Variants in RAPGEF2 observed in about 807,000 individuals in gnomAD.
The protein encoded by RAPGEF2 is PDZ domain containing guanine nucleotide exchange factor (GEF) 1.
RAPGEF2 carries 54 observed loss-of-function variants against 186.7 expected under a neutral mutation model. That is an observed-to-expected ratio of 0.29 (90% CI 0.23 to 0.36). The LOEUF is 0.36. Ranked by LOEUF, RAPGEF2 falls within the 10% of genes least tolerant of loss-of-function variation. RAPGEF2 has a pLI of 1.00. For missense variants in RAPGEF2, 1,532 were observed against 2,045.0 expected (o/e 0.75, Z 4.84); for synonymous variants, 712 against 705.9 (o/e 1.01, Z -0.14).
chr4:159,278,126 G>A (rs1278662985), intron 7 of RAPGEF2, among the ~76,000 whole-genome samples: 4 of 152,104 alleles, frequency 2.6e-5, no homozygotes, highest in Admixed American at 1.3e-4. Flanking sequence ...TTTGTATAAG[G>A]TGTAAGGAAG....
intron 26 of RAPGEF2, among the ~76,000 whole-genome samples, chr4:159,350,647 C>T (rs565295523): frequency 6.6e-6 from 1 of 152,226 alleles, no homozygotes; most frequent in African/African-American, 2.4e-5. Context: ...ACATGAAAAA[C>T]TAATATCTTC....
At chr4:159,250,423 C>A (rs1755174494) in intron 7 of RAPGEF2, among the ~76,000 whole-genome samples, 1 of 152,058 alleles carries the variant, frequency 6.6e-6, no homozygotes, top group South Asian at 2.1e-4. Context: ...GCAGAGTGGA[C>A]CAAATCTGTA....
In RAPGEF2 at chr4:159,237,440, A is replaced by T. The variant is rs183484383; in HGVS notation, c.282-1369A>T. ...AACCTGTAAACAAATAAAATTTATC[A>T]TATGATGTGGTCAAGATAGTTTGCT... On this transcript the variant is annotated intron_variant, in intron 4 of 29. Coordinates refer to ENST00000691494, the MANE Select transcript of RAPGEF2 (RefSeq NM_001394067.2). Among the ~76,000 whole-genome samples the T allele has an allele frequency of 2.0e-5, 3 of 152,300 alleles. No individual in the cohort carries two copies. The East Asian group carries it at 5.8e-4, about 29-fold the overall frequency.
chr4:159,203,430 T>C (rs1325615269), intron 3 of RAPGEF2, among the ~76,000 whole-genome samples: 2 of 152,180 alleles, frequency 1.3e-5, no homozygotes, highest in Admixed American at 1.3e-4. Flanking sequence ...TGAATAATTA[T>C]GACGTTCTGG....
chr4:159,207,256 T>C (rs1387273313), intron 3 of RAPGEF2, among the ~76,000 whole-genome samples: 5 of 152,220 alleles, frequency 3.3e-5, no homozygotes, highest in African/African-American at 9.7e-5. Flanking sequence ...TTTCCTGATA[T>C]AAAGAGTCAA....
intron 1 of RAPGEF2, among the ~76,000 whole-genome samples, chr4:159,135,191 G>A (rs1481174170): frequency 6.6e-6 from 1 of 151,904 alleles, no homozygotes; most frequent in Non-Finnish European, 1.5e-5. Context: ...CTATAGGTGT[G>A]TGCCACCATG....
rs10562531 is a variant in RAPGEF2 at position 159,340,779 on chromosome 4, C to CCACACACACA, written c.2535-759_2535-750dup. Reference sequence around the variant, plus strand: ...AAAACAAAAAATACCACCACCATCACCACACACACACACACACACACACAC... The same window carrying CCACACACACA: ...AAAACAAAAAATACCACCACCATCACCACACACACACACACACACACACACACACACACAC... On this transcript the variant is annotated intron_variant, in intron 19 of 29. Coordinates refer to ENST00000691494, the MANE Select transcript of RAPGEF2 (RefSeq NM_001394067.2). 3.6e-4 allele frequency among the ~76,000 whole-genome samples: 38 copies of CCACACACACA among 106,138 alleles called. 3 individuals carry two copies. The highest frequency in any genetic ancestry group is 1.3e-3 in the African/African-American group (32 of 25,478). The allele number at this position is 106,138 out of a possible 152,430, so 69.6% of individuals were successfully genotyped here. A position where few individuals can be genotyped will look rare whatever the true frequency, so the allele number is the denominator to read the frequency against.
rs374343029 is a variant in RAPGEF2 at position 159,250,887 on chromosome 4, G to A, written c.543+7096G>A. 3.1e-3 allele frequency among the ~76,000 whole-genome samples: 473 copies of A among 152,270 alleles called. 2 individuals carry two copies. Among genetic ancestry groups the A allele is most frequent in the African/African-American group, 9.9e-3 (413 of 41,564 alleles). ...GCCCCTCTCTGGGCTGGGCGTGGCC[G>A]GAGCCGGCTCCCTCTGCTTGCCGGG... On this transcript the variant is annotated intron_variant, in intron 7 of 29. Transcript: ENST00000691494.
chr4:159,330,049 T>C, intron 12 of RAPGEF2, 39 bp downstream of exon 12: 1 of 1,574,362 alleles, frequency 6.4e-7, no homozygotes, highest in African/African-American at 1.4e-5. Flanking sequence ...GAAAGGAATT[T>C]TTTTTGGTAG....
chr4:159,259,282 C>T (rs1342381720), intron 7 of RAPGEF2, among the ~76,000 whole-genome samples: 1 of 152,126 alleles, frequency 6.6e-6, no homozygotes, highest in African/African-American at 2.4e-5. Context: ...AATTTAACCG[C>T]TTTAGAAGTA....
rs1284470324 is a variant in RAPGEF2 at position 159,355,998 on chromosome 4, C to T, written c.4797C>T (p.Val1599=). The change falls in exon 29 of 30, where the codon GTC becomes GTT. Residue 1599 remains valine (V), a synonymous_variant. Coordinates refer to ENST00000691494, the MANE Select transcript of RAPGEF2 (RefSeq NM_001394067.2). ...TGGCCCTTCAGAGATCGCGGATGGT[C>T]GCACGATCCTCCGACACAGCTGGGC... The part of the protein sequence containing the change: ...YNVALQRSRM[V]ARSSDTAGPS... 5 of 1,609,624 alleles carry T rather than the reference C, an allele frequency of 3.1e-6. No homozygotes were observed. Among genetic ancestry groups the T allele is most frequent in the Middle Eastern group, 3.3e-4 (2 of 6,054 alleles).
intron 1 of RAPGEF2, among the ~76,000 whole-genome samples, chr4:159,126,250 A>G (rs571877526): frequency 1.3e-5 from 2 of 152,262 alleles, no homozygotes; most frequent in East Asian, 3.9e-4. Flanking sequence ...TTTTTAAAGG[A>G]CGAGAGTTAA....
At position 159,354,001 on chromosome 4, in the gene RAPGEF2, C is replaced by A; in HGVS notation, c.4606C>A (p.Pro1536Thr). ...GGAAGAAACCAAGCCTGTCCCCATG[C>A]CTGCCCACATAGCTGTGGCATCAAG... is the stretch of plus-strand genomic sequence containing the variant. ...TTEETKPVPM[P>T]AHIAVASSTT... is the part of the protein sequence containing the mutation. Residue 1536 changes from proline to threonine, a missense_variant, in exon 28 of 30, where the codon CCT (proline) becomes ACT (threonine). This residue lies in a region of RAPGEF2 where 594 missense variants were observed against 608.5 expected (regional missense o/e 0.98). Coordinates refer to ENST00000691494, the MANE Select transcript of RAPGEF2 (RefSeq NM_001394067.2). The A allele has an allele frequency of 1.2e-6, 2 of 1,609,490 alleles. No individual in the cohort carries two copies. The highest frequency in any genetic ancestry group is 1.7e-6 in the Non-Finnish European group (2 of 1,178,396).
intron 1 of RAPGEF2, among the ~76,000 whole-genome samples, chr4:159,133,950 C>A: frequency 6.6e-6 from 1 of 151,860 alleles, no homozygotes; most frequent in East Asian, 1.9e-4. Context: ...AACTCCTGAC[C>A]TCAAGTGATC....
intron 7 of RAPGEF2, among the ~76,000 whole-genome samples, chr4:159,284,479 GAGACACAC>G (rs1760164293): frequency 8.7e-6 from 1 of 114,536 alleles, no homozygotes; most frequent in African/African-American, 3.6e-5. Context: ...CACCGCCATG[GAGACACAC>G]ACACACACAC....
rs1561320557 is a variant in RAPGEF2, at chr4:159,344,072, G to A, written c.3278+13G>A. Reference sequence around the variant, plus strand: ...GGCGGAGTTTGGGGTAAGTGGTGGAGACCTTGCATACCCACACACAGTTCT... The same window carrying A: ...GGCGGAGTTTGGGGTAAGTGGTGGAAACCTTGCATACCCACACACAGTTCT... On this transcript the variant is annotated intron_variant, in intron 23 of 29. Transcript: ENST00000691494. 2.0e-6 allele frequency: 3 copies of A among 1,528,438 alleles called. No homozygotes were observed. In the South Asian group the frequency reaches 3.4e-5, roughly 17 times the overall value. 94.7% of individuals were successfully genotyped at this position (1,528,438 alleles called of 1,614,324 possible). A position where few individuals can be genotyped will look rare whatever the true frequency, so the allele number is the denominator to read the frequency against.
At chr4:159,265,181 T>C (rs765645925) in intron 7 of RAPGEF2, among the ~76,000 whole-genome samples, 27 of 152,082 alleles carry the variant, frequency 1.8e-4, no homozygotes, top group Non-Finnish European at 3.2e-4. Context: ...AGAACGTGAG[T>C]GCCTACAGTG....
At chr4:159,320,103 A>G (rs979232866) in intron 9 of RAPGEF2, among the ~76,000 whole-genome samples, 1 of 152,328 alleles carries the variant, frequency 6.6e-6, no homozygotes, top group Admixed American at 6.5e-5. Context: ...AGTAAAATGC[A>G]TGGTCTATAG....
At chr4:159,139,442 C>G (rs1487467367) in intron 1 of RAPGEF2, among the ~76,000 whole-genome samples, 4 of 151,856 alleles carry the variant, frequency 2.6e-5, no homozygotes, top group Non-Finnish European at 1.5e-5. Flanking sequence ...GAAGGACATC[C>G]TATATAATGT....
Sources: gnomAD v4.1 joint callset for allele counts (sites outside exome capture counted in the v4.1 genomes callset) on GRCh38, gnomAD v4.1.1 for gene constraint, gnomAD v4.1.1 regional missense constraint, MANE v1.5 for transcripts, NCBI Gene and HGNC (gene_info 2026-07-23, HGNC 2026-07-21) for gene names.